PTPRG: variants seen among roughly 807,000 people sequenced by gnomAD.
The protein encoded by PTPRG is receptor-type tyrosine-protein phosphatase gamma.
In PTPRG, 102 loss-of-function variants were observed where a neutral mutation model predicts 165.3. The observed-to-expected ratio is 0.62, with a 90% CI of 0.53 to 0.73. PTPRG has a LOEUF of 0.73. PTPRG is among the 30% of genes least tolerant of loss of function. PTPRG has a pLI of 0.00. For synonymous variants in PTPRG, 675 were observed against 669.5 expected (o/e 1.01, Z -0.13); for missense variants, 1,866 against 1,861.4 (o/e 1.00, Z -0.05).
chr3:61,976,047 G>GTTAC (rs2040496072), intron 2 of PTPRG, among the ~76,000 whole-genome samples: 1 of 152,128 alleles, frequency 6.6e-6, no homozygotes, highest in African/African-American at 2.4e-5. Context: ...GAGGTCCCTT[G>GTTAC]TTACCTACTG....
chr3:62,136,720 G>T (rs1703722129), intron 6 of PTPRG, among the ~76,000 whole-genome samples: 1 of 152,158 alleles, frequency 6.6e-6, no homozygotes, highest in African/African-American at 2.4e-5. Flanking sequence ...TTTTAAAAAG[G>T]GGAGTTTCCC....
chr3:61,816,862 T>C (rs1402185509), intron 2 of PTPRG, among the ~76,000 whole-genome samples: 1 of 150,710 alleles, frequency 6.6e-6, no homozygotes, highest in African/African-American at 2.4e-5. Context: ...AAGTTTCAGT[T>C]GAAAATTTGT....
Position 61,727,498 on chromosome 3 carries a change from A to G in PTPRG, c.86-21380A>G, listed in dbSNP as rs567343495. 2.0e-5 allele frequency among the ~76,000 whole-genome samples: 3 copies of G among 152,350 alleles called. No homozygotes were observed. In the South Asian group the frequency reaches 6.2e-4, roughly 32 times the overall value. On this transcript the variant is annotated intron_variant, in intron 1 of 29. Coordinates refer to ENST00000474889, the MANE Select transcript of PTPRG (RefSeq NM_002841.4). ...TGGATTTTATACAAACAAAATGAAT[A>G]CATGTCAAACGCAAATCATTAATAA...
intron 4 of PTPRG, among the ~76,000 whole-genome samples, chr3:62,038,762 G>GAT (rs932387481): frequency 3.3e-5 from 5 of 151,998 alleles, no homozygotes; most frequent in Admixed American, 6.6e-5. Context: ...CATATATGGA[G>GAT]ATATATATAG....
intron 1 of PTPRG, among the ~76,000 whole-genome samples, chr3:61,671,261 G>C (rs1202862822): frequency 3.3e-5 from 5 of 151,200 alleles, no homozygotes; most frequent in Non-Finnish European, 7.4e-5. Context: ...AAGGTCTCTG[G>C]TTTTCCTAGG....
chr3:61,992,404 G>A (rs906528409), intron 3 of PTPRG, among the ~76,000 whole-genome samples: 2 of 152,162 alleles, frequency 1.3e-5, no homozygotes, highest in Non-Finnish European at 2.9e-5. Flanking sequence ...TGTTGCCCGG[G>A]CTGGAGTTCA....
chr3:61,805,551 A>AAT (rs397953590), intron 2 of PTPRG, among the ~76,000 whole-genome samples: 2 of 150,966 alleles, frequency 1.3e-5, no homozygotes, highest in African/African-American at 4.9e-5. Flanking sequence ...AAAAAAAAAA[A>AAT]TCAAAGTGCC....
intron 12 of PTPRG, among the ~76,000 whole-genome samples, chr3:62,208,804 G>A (rs573361302): frequency 7.9e-5 from 12 of 152,330 alleles, no homozygotes; most frequent in South Asian, 2.1e-4. Context: ...TAATAACAGC[G>A]TCACCAGTGA....
At chr3:62,263,237 A>C (rs759206119) in intron 17 of PTPRG, 9 of 204,892 alleles carry the variant, frequency 4.4e-5, no homozygotes, top group Non-Finnish European at 6.8e-5. Flanking sequence ...GTAAGGGCCA[A>C]ATCTTTTAAT....
At chr3:61,764,852 A>G (rs1253388013) in intron 2 of PTPRG, among the ~76,000 whole-genome samples, 1 of 152,254 alleles carries the variant, frequency 6.6e-6, no homozygotes, top group African/African-American at 2.4e-5. Flanking sequence ...TATCTGACAC[A>G]GTCTGCAGAC....
chr3:61,849,312 C>T (rs1207194561), intron 2 of PTPRG, among the ~76,000 whole-genome samples: 2 of 152,102 alleles, frequency 1.3e-5, no homozygotes, highest in Non-Finnish European at 2.9e-5. Context: ...TTGTTTTTTG[C>T]ATTTCTTACC....
At chr3:62,185,368 C>T (rs796638345) in intron 8 of PTPRG, among the ~76,000 whole-genome samples, 2 of 152,140 alleles carry the variant, frequency 1.3e-5, no homozygotes, top group Non-Finnish European at 2.9e-5. Flanking sequence ...TGCAAAAGGA[C>T]GTATCAAGAG....
At chr3:61,810,912 A>C (rs759621039) in intron 2 of PTPRG, among the ~76,000 whole-genome samples, 3 of 151,776 alleles carry the variant, frequency 2.0e-5, no homozygotes, top group Non-Finnish European at 4.4e-5. Context: ...TGAGTATCTG[A>C]TTGGCTACCT....
At chr3:62,019,894 C>CTT (rs2107757629) in intron 4 of PTPRG, among the ~76,000 whole-genome samples, 1 of 152,054 alleles carries the variant, frequency 6.6e-6, no homozygotes, top group East Asian at 1.9e-4. Flanking sequence ...TTAATCATCA[C>CTT]TTATTAAAAA....
At chr3:62,112,681 T>A (rs1576016856) in intron 5 of PTPRG, among the ~76,000 whole-genome samples, 1 of 152,334 alleles carries the variant, frequency 6.6e-6, no homozygotes, top group African/African-American at 2.4e-5. Flanking sequence ...GGGACTGCAG[T>A]CATTTTTGCT....
At chr3:61,600,533 CTTTTGTTTTTTGT>C (rs905300536) in intron 1 of PTPRG, among the ~76,000 whole-genome samples, 22 of 151,764 alleles carry the variant, frequency 1.4e-4, no homozygotes, top group African/African-American at 5.1e-4. Context: ...GGTTTTGGTT[CTTTTGTTTTTTGT>C]TTTTGTTTTT....
chr3:61,626,511 C>T (rs2106915949), intron 1 of PTPRG, among the ~76,000 whole-genome samples: 2 of 152,248 alleles, frequency 1.3e-5, no homozygotes. Flanking sequence ...TATTACCGTT[C>T]AAAACCCACG....
At chr3:62,121,783 A>C (rs964814669) in intron 5 of PTPRG, among the ~76,000 whole-genome samples, 1 of 152,242 alleles carries the variant, frequency 6.6e-6, no homozygotes, top group Non-Finnish European at 1.5e-5. Context: ...AGTAGACTAC[A>C]TGCTCTATGA....
intron 4 of PTPRG, among the ~76,000 whole-genome samples, chr3:62,050,791 G>T (rs1236445943): frequency 6.6e-6 from 1 of 152,144 alleles, no homozygotes; most frequent in Non-Finnish European, 1.5e-5. Context: ...TTGTTTTCCT[G>T]GATGACCTTC....
Sources: allele counts gnomAD v4.1 joint callset (sites outside exome capture counted in the v4.1 genomes callset), GRCh38; gene constraint gnomAD v4.1.1; transcripts MANE v1.5; gene names NCBI Gene and HGNC (gene_info 2026-07-23, HGNC 2026-07-21).